Variants in KDM4C observed in about 807,000 individuals in gnomAD.
KDM4C encodes the protein lysine-specific demethylase 4C.
In KDM4C, 81 loss-of-function variants were observed where a neutral mutation model predicts 129.3. That is an observed-to-expected ratio of 0.63 (90% confidence interval 0.52 to 0.75). The LOEUF (loss-of-function observed/expected upper bound fraction) is 0.75, where lower values mean the gene tolerates loss of function less well. Ranked by LOEUF, KDM4C falls within the 30% of genes least tolerant of loss-of-function variation. KDM4C has a pLI of 0.00. For synonymous variants in KDM4C, 573 were observed against 456.1 expected (o/e 1.26, Z -3.26); for missense variants, 1,457 against 1,304.0 (o/e 1.12, Z -1.81).
Position 6,806,896 on chromosome 9 carries a change from CTCTCCCTCTCCCTCTCCCTCTCCG to C in KDM4C, c.320+1129_320+1152del, listed in dbSNP as rs1371847392. 3.3e-5 allele frequency among the ~76,000 whole-genome samples: 5 copies of C among 150,436 alleles called. No individual in the cohort carries two copies. The East Asian group carries it at 5.8e-4, about 18-fold the overall frequency. On this transcript the variant is annotated intron_variant, in intron 3 of 21. Transcript: ENST00000381309. ...CGTCTCCGTCTCCCTCTCCCTCTCCCTCTCCCTCTCCCTCTCCCTCTCCGTCTCCCCACGGTCTCCCTCTCATGC... is the reference window on the plus strand; with the variant it reads ...CGTCTCCGTCTCCCTCTCCCTCTCCCTCTCCCCACGGTCTCCCTCTCATGC...
Position 7,011,654 on chromosome 9 carries a change from C to T in KDM4C, c.1787-44C>T, listed in dbSNP as rs757840363. ...TTTTGTACTCAGGGTGATTGTTTTC[C>T]CTGGTTCCCATGCTCATGGTATTTT... On this transcript the variant is annotated intron_variant, in intron 12 of 21. Transcript: ENST00000381309. 3 of 1,552,460 alleles carry T rather than the reference C, an allele frequency of 1.9e-6. No homozygotes were observed. In the Admixed American group the frequency reaches 5.0e-5, roughly 26 times the overall value.
intron 3 of KDM4C, among the ~76,000 whole-genome samples, chr9:6,814,336 T>A (rs1252858090): frequency 6.6e-6 from 1 of 152,212 alleles, no homozygotes; most frequent in East Asian, 1.9e-4. Context: ...TTAAAGATTT[T>A]AAAAATACTT....
chr9:7,149,187 C>T (rs1041820694), intron 19 of KDM4C, among the ~76,000 whole-genome samples: 1 of 152,254 alleles, frequency 6.6e-6, no homozygotes, highest in Non-Finnish European at 1.5e-5. Flanking sequence ...GAACTAGTTT[C>T]TGGAGGTGCT....
chr9:7,168,813 C>T (rs928997603), intron 20 of KDM4C, among the ~76,000 whole-genome samples: 1 of 151,876 alleles, frequency 6.6e-6, no homozygotes, highest in Non-Finnish European at 1.5e-5. Flanking sequence ...ACCTGTAATC[C>T]CAACACTTTG....
At chr9:6,761,185 T>C (rs1379540296) in intron 1 of KDM4C, among the ~76,000 whole-genome samples, 2 of 151,858 alleles carry the variant, frequency 1.3e-5, no homozygotes, top group African/African-American at 4.8e-5. Flanking sequence ...AATTTTTGTA[T>C]TTTTGTAGAG....
At chr9:6,725,357 C>A (rs912605397) in intron 1 of KDM4C, among the ~76,000 whole-genome samples, 1 of 151,732 alleles carries the variant, frequency 6.6e-6, no homozygotes, top group Non-Finnish European at 1.5e-5. Context: ...TGTTTCCACT[C>A]GAGTATCAGA....
intron 9 of KDM4C, chr9:6,982,031 C>T (rs182492196): frequency 7.1e-4 from 108 of 152,428 alleles, no homozygotes; most frequent in Admixed American, 1.4e-3. Flanking sequence ...TGGGGCCATG[C>T]TCTGTTAATA....
At chr9:7,170,048 CTTCAAA>C (rs1327392194) in intron 21 of KDM4C, 158 bp downstream of exon 21, 2 of 1,514,920 alleles carry the variant, frequency 1.3e-6, no homozygotes, top group South Asian at 1.2e-5. Context: ...TGAATGCAAA[CTTCAAA>C]TTCAACCAAA....
intron 2 of KDM4C, among the ~76,000 whole-genome samples, chr9:6,797,311 T>G (rs866061503): frequency 6.6e-6 from 1 of 152,170 alleles, no homozygotes; most frequent in African/African-American, 2.4e-5. Context: ...TGACAAGATT[T>G]AATGAATTGG....
intron 17 of KDM4C, among the ~76,000 whole-genome samples, chr9:7,091,657 A>AT (rs920449084): frequency 2.0e-5 from 3 of 152,094 alleles, no homozygotes; most frequent in Non-Finnish European, 2.9e-5. Flanking sequence ...TCTGACAAGG[A>AT]TTTTTTTTCT....
intron 17 of KDM4C, among the ~76,000 whole-genome samples, chr9:7,091,474 A>G (rs181396183): frequency 2.4e-3 from 370 of 152,336 alleles, no homozygotes; most frequent in Non-Finnish European, 4.2e-3. Context: ...AAAGGCAGAA[A>G]TACACATCCC....
At chr9:6,759,841 T>A (rs1776976286) in intron 1 of KDM4C, among the ~76,000 whole-genome samples, 1 of 150,766 alleles carries the variant, frequency 6.6e-6, no homozygotes, top group Non-Finnish European at 1.5e-5. Context: ...TAATCCCAGC[T>A]GAGGCAAGAG....
chr9:6,966,064 G>C (rs1830906994), intron 8 of KDM4C, among the ~76,000 whole-genome samples: 1 of 152,142 alleles, frequency 6.6e-6, no homozygotes, highest in Non-Finnish European at 1.5e-5. Context: ...AAAACTTTCA[G>C]AGTTAACTTT....
intron 8 of KDM4C, among the ~76,000 whole-genome samples, chr9:6,907,346 C>A (rs890072308): frequency 1.3e-5 from 2 of 152,106 alleles, no homozygotes; most frequent in African/African-American, 4.8e-5. Flanking sequence ...ATCTTTTATG[C>A]GGTCTACTTC....
chr9:6,920,976 C>T (rs981993181), intron 8 of KDM4C, among the ~76,000 whole-genome samples: 1 of 152,142 alleles, frequency 6.6e-6, no homozygotes, highest in Non-Finnish European at 1.5e-5. Flanking sequence ...TACATGACCT[C>T]CTGGCAGCAC....
At chr9:6,932,648 A>G (rs1823960559) in intron 8 of KDM4C, among the ~76,000 whole-genome samples, 1 of 152,216 alleles carries the variant, frequency 6.6e-6, no homozygotes, top group Non-Finnish European at 1.5e-5. Flanking sequence ...GTGCACAGCC[A>G]AAGCAGCAGA....
intron 17 of KDM4C, among the ~76,000 whole-genome samples, chr9:7,074,853 A>G (rs1474864878): frequency 6.6e-6 from 1 of 152,176 alleles, no homozygotes; most frequent in Non-Finnish European, 1.5e-5. Context: ...ATTTCTGTAT[A>G]TCTGAATGCA....
chr9:6,915,861 G>A (rs1250741859), intron 8 of KDM4C, among the ~76,000 whole-genome samples: 1 of 152,156 alleles, frequency 6.6e-6, no homozygotes, highest in African/African-American at 2.4e-5. Context: ...CATCATGGAA[G>A]GACCTATGCT....
chr9:7,062,753 A>T (rs2132706975), intron 17 of KDM4C, among the ~76,000 whole-genome samples: 1 of 152,130 alleles, frequency 6.6e-6, no homozygotes, highest in East Asian at 1.9e-4. Flanking sequence ...GAATCTGTGG[A>T]AGGGGTGAAA....
Sources: allele counts gnomAD v4.1 joint callset (sites outside exome capture counted in the v4.1 genomes callset), GRCh38; gene constraint gnomAD v4.1.1; transcripts MANE v1.5; gene names NCBI Gene and HGNC (gene_info 2026-07-23, HGNC 2026-07-21).